Variants in CLIC5 observed in about 807,000 individuals in gnomAD.
The protein encoded by CLIC5 is chloride intracellular channel protein 5.
CLIC5 carries 20 observed loss-of-function variants against 24.7 expected under a neutral mutation model. The observed-to-expected ratio is 0.81, with a 90% CI of 0.57 to 1.18. The LOEUF (loss-of-function observed/expected upper bound fraction) is 1.18, where lower values mean the gene tolerates loss of function less well. Among genes scored for constraint, CLIC5 ranks in the 50% most tolerant of loss-of-function variants. The probability of loss-of-function intolerance (pLI) is 0.00; values close to 1 mark genes in which losing one functional copy is unlikely to be tolerated. For missense variants in CLIC5, 341 were observed against 326.1 expected (o/e 1.05, Z -0.35); for synonymous variants, 159 against 135.6 (o/e 1.17, Z -1.20).
intron 1 of CLIC5, among the ~76,000 whole-genome samples, chr6:46,046,299 C>A (rs573947040): frequency 3.3e-5 from 5 of 152,192 alleles, no homozygotes; most frequent in Non-Finnish European, 4.4e-5. Flanking sequence ...GCCATCTTAT[C>A]TGCCTCACTT....
chr6:46,015,331 G>A, intron 1 of CLIC5, 149 bp downstream of exon 1: 1 of 701,804 alleles, frequency 1.4e-6, no homozygotes, highest in Non-Finnish European at 2.1e-6. Context: ...CCTCGCAGCG[G>A]GGCGCTGGCC....
At position 45,928,883 on chromosome 6, in the gene CLIC5, G is replaced by A. The variant is rs114553927; in HGVS notation, c.406+12664C>T. 2.5e-3 allele frequency among the ~76,000 whole-genome samples: 383 copies of A among 152,152 alleles called. 1 individual carries two copies. Among genetic ancestry groups the A allele is most frequent in the African/African-American group, 8.3e-3 (343 of 41,500 alleles). ...TGTTGGTTGCATAGGATGAGGTAAC[G>A]GTAGGAAGAGGTGAAAGAACATTTA... On this transcript the variant is annotated intron_variant, in intron 4 of 5. Transcript: ENST00000339561.
chr6:46,075,634 T>A (rs1762746617), intron 1 of CLIC5, among the ~76,000 whole-genome samples: 1 of 152,182 alleles, frequency 6.6e-6, no homozygotes, highest in African/African-American at 2.4e-5. Context: ...TCCGCTTCCA[T>A]AATAAATGAC....
intron 1 of CLIC5, among the ~76,000 whole-genome samples, chr6:45,994,823 A>G (rs1303872663): frequency 6.6e-6 from 1 of 152,068 alleles, no homozygotes; most frequent in Admixed American, 6.6e-5. Flanking sequence ...CCTATCCTTG[A>G]CAGTTGGTTA....
intron 1 of CLIC5, among the ~76,000 whole-genome samples, chr6:46,038,966 G>T (rs1361403251): frequency 6.6e-6 from 1 of 152,170 alleles, no homozygotes; most frequent in Non-Finnish European, 1.5e-5. Flanking sequence ...GTACTATGGA[G>T]ATAAGAATAT....
intron 1 of CLIC5, among the ~76,000 whole-genome samples, chr6:46,043,493 A>G (rs1767872695): frequency 6.6e-6 from 1 of 152,246 alleles, no homozygotes; most frequent in African/African-American, 2.4e-5. Context: ...TGGTGGAAGT[A>G]TAACAGGTCA....
chr6:45,932,469 G>A (rs1213577358), intron 4 of CLIC5, among the ~76,000 whole-genome samples: 1 of 152,210 alleles, frequency 6.6e-6, no homozygotes. Context: ...TACATCAAAT[G>A]AGGATGATCT....
chr6:45,995,563 A>G (rs575746210), intron 1 of CLIC5, among the ~76,000 whole-genome samples: 18 of 152,326 alleles, frequency 1.2e-4, no homozygotes. Context: ...TGTTTTCTCT[A>G]TTAAAAGCAT....
chr6:45,928,798 A>G (rs1763609831), intron 4 of CLIC5, among the ~76,000 whole-genome samples: 1 of 118,518 alleles, frequency 8.4e-6, no homozygotes, highest in Non-Finnish European at 1.6e-5. Flanking sequence ...GTGTGTGTAG[A>G]GAGAGAGAGA....
chr6:45,928,795 T>TGTGTGTGTGTGTGG lies in CLIC5; in HGVS notation c.406+12751_406+12752insCCACACACACACAC, dbSNP rs200432038. On this transcript the variant is annotated intron_variant, in intron 4 of 5. Coordinates refer to ENST00000339561, the MANE Select transcript of CLIC5 (RefSeq NM_016929.5). ...GTGTGTGTGTGTGTGTGTGTGTGTG[T>TGTGTGTGTGTGTGG]AGAGAGAGAGAGATTGAGAAACGTA... 7.2e-3 allele frequency among the ~76,000 whole-genome samples: 1,070 copies of TGTGTGTGTGTGTGG among 148,478 alleles called. 5 individuals carry two copies. Among genetic ancestry groups the TGTGTGTGTGTGTGG allele is most frequent in the Middle Eastern group, 0.038 (11 of 292 alleles).
intron 3 of CLIC5, among the ~76,000 whole-genome samples, chr6:45,946,728 G>A (rs1240488107): frequency 6.6e-6 from 1 of 152,188 alleles, no homozygotes; most frequent in East Asian, 1.9e-4. Context: ...CTGAGGCACT[G>A]GCTTGGTGAC....
At chr6:45,932,348 C>T (rs775345006) in intron 4 of CLIC5, among the ~76,000 whole-genome samples, 1 of 152,136 alleles carries the variant, frequency 6.6e-6, no homozygotes, top group Non-Finnish European at 1.5e-5. Flanking sequence ...ACCTCGTGAT[C>T]GGCCTGCCTT....
intron 1 of CLIC5, among the ~76,000 whole-genome samples, chr6:46,048,496 T>A (rs1471874931): frequency 6.6e-6 from 1 of 152,118 alleles, no homozygotes; most frequent in African/African-American, 2.4e-5. Flanking sequence ...TTTGGCCTCA[T>A]ACACAGCAGG....
intron 4 of CLIC5, among the ~76,000 whole-genome samples, chr6:45,938,940 G>A (rs1240098781): frequency 6.6e-6 from 1 of 152,108 alleles, no homozygotes; most frequent in Non-Finnish European, 1.5e-5. Flanking sequence ...TCCTCAGCCG[G>A]GAAAGCAGCA....
At chr6:46,058,792 A>T (rs1282391320) in intron 1 of CLIC5, among the ~76,000 whole-genome samples, 1 of 152,158 alleles carries the variant, frequency 6.6e-6, no homozygotes, top group Non-Finnish European at 1.5e-5. Flanking sequence ...TTGCAGCTAG[A>T]GTCTAGGTGT....
chr6:45,908,984 G>A (rs896427844), intron 5 of CLIC5, among the ~76,000 whole-genome samples: 1 of 150,088 alleles, frequency 6.7e-6, no homozygotes, highest in Non-Finnish European at 1.5e-5. Flanking sequence ...ATTTAGAATG[G>A]TTAAGTCTTC....
chr6:45,881,904 A>T (rs1338462327), intron 6 of CLIC5, among the ~76,000 whole-genome samples: 1 of 152,060 alleles, frequency 6.6e-6, no homozygotes, highest in Admixed American at 6.5e-5. Flanking sequence ...GTGAACTTGG[A>T]CTGTATTCTG....
chr6:46,047,408 C>G (rs1230996640), intron 1 of CLIC5, among the ~76,000 whole-genome samples: 2 of 152,160 alleles, frequency 1.3e-5, no homozygotes, highest in Non-Finnish European at 2.9e-5. Flanking sequence ...CCTATGGCAT[C>G]AGCACCAGAA....
intron 1 of CLIC5, among the ~76,000 whole-genome samples, chr6:46,004,142 T>C (rs1322746587): frequency 6.6e-6 from 1 of 152,200 alleles, no homozygotes; most frequent in Non-Finnish European, 1.5e-5. Flanking sequence ...ATCGATGTCA[T>C]ACAGGAGAAG....
Sources: gnomAD v4.1 joint callset for allele counts (sites outside exome capture counted in the v4.1 genomes callset) on GRCh38, gnomAD v4.1.1 for gene constraint, MANE v1.5 for transcripts, NCBI Gene and HGNC (gene_info 2026-07-23, HGNC 2026-07-21) for gene names.